MUSK: variants seen among roughly 807,000 people sequenced by gnomAD.
The protein encoded by MUSK is muscle, skeletal receptor tyrosine-protein kinase.
A neutral mutation model predicts 88.7 loss-of-function variants in MUSK; 55 were observed. The observed-to-expected ratio is 0.62, with a 90% CI of 0.50 to 0.78. The LOEUF (loss-of-function observed/expected upper bound fraction) is 0.78, where lower values mean the gene tolerates loss of function less well. MUSK is among the 30% of genes least tolerant of loss of function. The probability of loss-of-function intolerance (pLI) is 0.00; values close to 1 mark genes in which losing one functional copy is unlikely to be tolerated. For synonymous variants in MUSK, 387 were observed against 391.9 expected (o/e 0.99, Z 0.15); for missense variants, 1,015 against 1,074.3 (o/e 0.94, Z 0.77).
rs114769959 is a variant in MUSK at position 110,738,830 on chromosome 9, A to C, written c.753+4455A>C. 1.9e-3 allele frequency among the ~76,000 whole-genome samples: 287 copies of C among 152,294 alleles called. 3 individuals are homozygous for C. The highest frequency in any genetic ancestry group is 0.014 in the Middle Eastern group (4 of 294). Reference sequence around the variant, plus strand: ...CATAGACCTATTCATGATTCTTCAGAAATCAGGGAACATTAAGATGATACC... The same window carrying C: ...CATAGACCTATTCATGATTCTTCAGCAATCAGGGAACATTAAGATGATACC... On this transcript the variant is annotated intron_variant, in intron 6 of 14. Transcript: ENST00000374448.
rs1587917955 is a variant in MUSK at position 110,695,557 on chromosome 9, T to C, written c.486+27T>C. 5 of 1,493,276 alleles carry C rather than the reference T, an allele frequency of 3.3e-6. No individual in the cohort carries two copies. In the East Asian group the frequency reaches 1.2e-4, roughly 37 times the overall value. 92.5% of individuals were successfully genotyped at this position (1,493,276 alleles called of 1,614,324 possible). ...TAAGTGGTTATGATGTTAAAACACATATATAAAATGTATTTTAAAATATAA... is the reference window on the plus strand; with the variant it reads ...TAAGTGGTTATGATGTTAAAACACACATATAAAATGTATTTTAAAATATAA... On this transcript the variant is annotated intron_variant, in intron 4 of 14. Coordinates refer to ENST00000374448, the MANE Select transcript of MUSK (RefSeq NM_005592.4).
intron 5 of MUSK, 22 bp downstream of exon 5, chr9:110,697,488 C>T (rs41279053): frequency 8.7e-6 from 14 of 1,601,322 alleles, no homozygotes; most frequent in African/African-American, 2.7e-5. Flanking sequence ...CATTTCTTCC[C>T]CTGACTGTGT....
At chr9:110,701,655 T>A (rs10980532) in intron 5 of MUSK, among the ~76,000 whole-genome samples, 2 of 8,908 alleles carry the variant, frequency 2.2e-4, no homozygotes, top group Admixed American at 5.4e-4. Context: ...CTCAGCTATT[T>A]ATTTTATTTA....
intron 1 of MUSK, among the ~76,000 whole-genome samples, chr9:110,681,011 TATAA>T (rs2076104228): frequency 2.6e-5 from 1 of 37,792 alleles, no homozygotes; most frequent in Admixed American, 3.2e-4. Flanking sequence ...TTATATTATA[TATAA>T]TATATATTAT....
intron 11 of MUSK, among the ~76,000 whole-genome samples, chr9:110,781,281 GTT>G (rs2077751337): frequency 6.6e-6 from 1 of 151,766 alleles, no homozygotes; most frequent in Non-Finnish European, 1.5e-5. Flanking sequence ...GTTTTGTTTT[GTT>G]TTGTTTTGTT....
intron 3 of MUSK, among the ~76,000 whole-genome samples, chr9:110,690,107 ATAGAAATATATATTATATAAG>A (rs2076305173): frequency 1.0e-5 from 1 of 97,360 alleles, no homozygotes. Context: ...AAGTATAAAT[ATAGAAATATATATTATATAAG>A]TATAAATATA....
chr9:110,675,765 T>A lies in MUSK; in HGVS notation c.79+6782T>A, dbSNP rs140638027. Among the ~76,000 whole-genome samples the A allele has an allele frequency of 2.0e-3, 293 of 150,066 alleles. 5 individuals are homozygous for A. The highest frequency in any genetic ancestry group is 6.6e-3 in the African/African-American group (269 of 40,744). On this transcript the variant is annotated intron_variant, in intron 1 of 14. Coordinates refer to ENST00000374448, the MANE Select transcript of MUSK (RefSeq NM_005592.4). ...TTGTATTTTTAGTAGAGATGGGATT[T>A]CACCATGTTGGCCAGGAATCTCTTG...
At chr9:110,700,294 C>T (rs960459809) in intron 5 of MUSK, among the ~76,000 whole-genome samples, 2 of 152,130 alleles carry the variant, frequency 1.3e-5, no homozygotes, top group African/African-American at 4.8e-5. Flanking sequence ...TTTTAGGAAA[C>T]AGAGGAATAG....
intron 4 of MUSK, 44 bp from the exon 5 acceptor site, chr9:110,697,281 T>G (rs1348762001): frequency 6.2e-7 from 1 of 1,605,300 alleles, no homozygotes; most frequent in South Asian, 1.1e-5. Context: ...GTATCCTTGA[T>G]AGACCCATAA....
chr9:110,771,369 C>T (rs1181587586), intron 9 of MUSK, among the ~76,000 whole-genome samples: 1 of 151,948 alleles, frequency 6.6e-6, no homozygotes, highest in African/African-American at 2.4e-5. Flanking sequence ...AGATTACAGG[C>T]GTGAGCCACC....
intron 8 of MUSK, 76 bp from the exon 9 acceptor site, chr9:110,767,744 C>CA (rs113978287): frequency 0.049 from 50,546 of 1,026,332 alleles, 2 homozygotes; most frequent in Non-Finnish European, 0.057. Context: ...ATGTGAAAAC[C>CA]AAAAAAAAAA....
chr9:110,686,880 C>G (rs1245759007), intron 2 of MUSK, among the ~76,000 whole-genome samples: 1 of 152,086 alleles, frequency 6.6e-6, no homozygotes, highest in African/African-American at 2.4e-5. Context: ...GGGCATCACC[C>G]TTTGAAAGCA....
chr9:110,717,951 A>G (rs191349642), intron 5 of MUSK, among the ~76,000 whole-genome samples: 119 of 152,296 alleles, frequency 7.8e-4, no homozygotes, highest in African/African-American at 2.7e-3. Context: ...TTTTAAAACA[A>G]TAAACGATTA....
intron 5 of MUSK, among the ~76,000 whole-genome samples, chr9:110,698,050 G>C (rs1587921166): frequency 6.6e-6 from 1 of 152,164 alleles, no homozygotes; most frequent in African/African-American, 2.4e-5. Context: ...GGTCTTCACT[G>C]AGAAATCAGA....
rs553236719 is a variant in MUSK, at chr9:110,702,832, G to A, written c.628+5366G>A. ...GGCTTGAACCTGGGAGGTGGAGGCT[G>A]CAGTAAGCCAAGATTGTGCCACTGC... is the stretch of plus-strand genomic sequence containing the variant. On this transcript the variant is annotated intron_variant, in intron 5 of 14. Coordinates refer to ENST00000374448, the MANE Select transcript of MUSK (RefSeq NM_005592.4). Among the ~76,000 whole-genome samples the A allele has an allele frequency of 5.9e-5, 9 of 152,260 alleles. No homozygotes were observed. In the South Asian group the frequency reaches 1.9e-3, roughly 32 times the overall value.
At chr9:110,788,135 A>C (rs903255585) in intron 14 of MUSK, 3 of 339,064 alleles carry the variant, frequency 8.8e-6, no homozygotes, top group African/African-American at 6.4e-5. Flanking sequence ...CCATCACAAA[A>C]TTTATCAATA....
intron 5 of MUSK, among the ~76,000 whole-genome samples, chr9:110,733,285 T>A (rs1304796788): frequency 6.6e-6 from 1 of 152,140 alleles, no homozygotes; most frequent in African/African-American, 2.4e-5. Context: ...TCATTCTTGT[T>A]ACCTTGGGAA....
intron 5 of MUSK, among the ~76,000 whole-genome samples, chr9:110,725,587 C>T (rs1167972824): frequency 2.0e-5 from 3 of 151,970 alleles, no homozygotes; most frequent in Non-Finnish European, 4.4e-5. Context: ...CCCTATTGGA[C>T]AGTTCCAACA....
intron 5 of MUSK, among the ~76,000 whole-genome samples, chr9:110,729,491 A>G (rs950848457): frequency 6.6e-6 from 1 of 151,874 alleles, no homozygotes; most frequent in African/African-American, 2.4e-5. Flanking sequence ...TCAAACTGGT[A>G]TTATTTAAAA....
Sources: allele counts gnomAD v4.1 joint callset (sites outside exome capture counted in the v4.1 genomes callset), GRCh38; gene constraint gnomAD v4.1.1; transcripts MANE v1.5; gene names NCBI Gene and HGNC (gene_info 2026-07-23, HGNC 2026-07-21).